Variants in NLGN4X observed in about 807,000 individuals in gnomAD.
NLGN4X encodes neuroligin 4 X-linked, also known as neuroligin-4, X-linked.
NLGN4X carries 3 observed loss-of-function variants against 40.3 expected under a neutral mutation model. That is an observed-to-expected ratio of 0.07 (90% confidence interval 0.03 to 0.19). The LOEUF (loss-of-function observed/expected upper bound fraction) is 0.19. Among genes scored for constraint, NLGN4X ranks in the 10% least tolerant of loss-of-function variants. NLGN4X has a pLI of 1.00. For synonymous variants in NLGN4X, 270 were observed against 306.8 expected (o/e 0.88, Z 1.25); for missense variants, 382 against 708.3 (o/e 0.54, Z 5.23).
At chrX:6,047,008 T>C (rs1195133132) in intron 2 of NLGN4X, among the ~76,000 whole-genome samples, 2 of 108,882 alleles carry the variant, frequency 1.8e-5, no homozygotes, top group Non-Finnish European at 3.8e-5. Flanking sequence ...TTTATTTCAA[T>C]AAATAATAGA....
At chrX:6,116,203 G>A (rs1392863048) in intron 2 of NLGN4X, among the ~76,000 whole-genome samples, 3 of 96,265 alleles carry the variant, frequency 3.1e-5, no homozygotes, top group East Asian at 3.5e-4. Flanking sequence ...TAAGGCAGGA[G>A]AATGGCGTGA....
At chrX:5,947,916 T>A (rs1052357701) in intron 3 of NLGN4X, among the ~76,000 whole-genome samples, 5 of 112,027 alleles carry the variant, frequency 4.5e-5, no homozygotes, top group Non-Finnish European at 9.4e-5. Context: ...ATTTGCAGAA[T>A]AGCATGAGCA....
In NLGN4X at chrX:6,142,429, G is replaced by A. The variant is rs780437800; in HGVS notation, c.472+8566C>T. 9.8e-5 allele frequency among the ~76,000 whole-genome samples: 11 copies of A among 112,313 alleles called. No individual in the cohort carries two copies. The Admixed American group carries it at 1.0e-3, about 11-fold the overall frequency. On this transcript the variant is annotated intron_variant, in intron 2 of 5. Transcript: ENST00000381095. ...ATACTAAATACTTTTCAATTAATCC[G>A]TGTCAGGGAGATCTTTATTTAATAA... is the stretch of plus-strand genomic sequence containing the variant.
chrX:6,222,186 C>T (rs1481192632), intron 1 of NLGN4X, among the ~76,000 whole-genome samples: 2 of 111,053 alleles, frequency 1.8e-5, no homozygotes, highest in African/African-American at 3.3e-5. Context: ...AGCATACAAA[C>T]AACCAAACAA....
At chrX:6,079,383 A>G (rs1431505274) in intron 2 of NLGN4X, among the ~76,000 whole-genome samples, 1 of 112,615 alleles carries the variant, frequency 8.9e-6, no homozygotes, top group Non-Finnish European at 1.9e-5. Flanking sequence ...TGTGAAAATT[A>G]AAGTAGATAA....
At chrX:6,205,665 A>G (rs747544286) in intron 1 of NLGN4X, among the ~76,000 whole-genome samples, 2 of 112,325 alleles carry the variant, frequency 1.8e-5, no homozygotes, top group Non-Finnish European at 3.8e-5. Context: ...TGAGAGTCAG[A>G]CATAGAATAA....
chrX:5,967,245 C>G (rs1421788188), intron 3 of NLGN4X, among the ~76,000 whole-genome samples: 1 of 111,941 alleles, frequency 8.9e-6, no homozygotes, highest in Non-Finnish European at 1.9e-5. Context: ...AATGTTCACA[C>G]CAAAATTTAC....
chrX:6,012,956 C>T (rs1484704731), intron 3 of NLGN4X, among the ~76,000 whole-genome samples: 1 of 111,561 alleles, frequency 9.0e-6, no homozygotes, highest in African/African-American at 3.3e-5. Context: ...AAAACTAATA[C>T]ATGGAGATTA....
intron 2 of NLGN4X, among the ~76,000 whole-genome samples, chrX:6,128,525 T>C (rs553901097): frequency 8.9e-6 from 1 of 112,342 alleles, no homozygotes; most frequent in East Asian, 2.8e-4. Flanking sequence ...TGTAATGGAT[T>C]CTACATTGTT....
intron 3 of NLGN4X, among the ~76,000 whole-genome samples, chrX:5,961,744 G>A (rs1007646255): frequency 8.9e-6 from 1 of 112,016 alleles, no homozygotes; most frequent in Non-Finnish European, 1.9e-5. Flanking sequence ...GTTCTTTGCC[G>A]TGGATACTAA....
intron 3 of NLGN4X, among the ~76,000 whole-genome samples, chrX:5,995,815 T>C (rs1222699506): frequency 9.0e-6 from 1 of 111,496 alleles, no homozygotes; most frequent in Non-Finnish European, 1.9e-5. Flanking sequence ...ACCCTCAGAG[T>C]TCACTGACAT....
intron 3 of NLGN4X, among the ~76,000 whole-genome samples, chrX:5,979,401 TAAC>T (rs1311375029): frequency 9.0e-6 from 1 of 110,724 alleles, no homozygotes; most frequent in Non-Finnish European, 1.9e-5. Flanking sequence ...CTTGTAGGTT[TAAC>T]AACAAAAAAA....
intron 3 of NLGN4X, among the ~76,000 whole-genome samples, chrX:5,994,086 T>C (rs775578753): frequency 4.5e-5 from 5 of 111,773 alleles, no homozygotes; most frequent in Non-Finnish European, 7.5e-5. Flanking sequence ...TTCACACTCC[T>C]TTCTCACTGA....
At chrX:6,021,410 T>G (rs1435246379) in intron 3 of NLGN4X, among the ~76,000 whole-genome samples, 2 of 110,687 alleles carry the variant, frequency 1.8e-5, no homozygotes, top group Non-Finnish European at 3.8e-5. Flanking sequence ...CGTCCCCATC[T>G]CTGCTCCATT....
chrX:6,208,489 T>C (rs752428881), intron 1 of NLGN4X, among the ~76,000 whole-genome samples: 2 of 112,239 alleles, frequency 1.8e-5, no homozygotes, highest in Non-Finnish European at 3.8e-5. Context: ...ATGAAAAACA[T>C]CTTCCAAAAT....
intron 2 of NLGN4X, among the ~76,000 whole-genome samples, chrX:6,087,968 T>C (rs1393231633): frequency 8.9e-6 from 1 of 111,836 alleles, no homozygotes; most frequent in East Asian, 2.8e-4. Flanking sequence ...TTTGATGTCA[T>C]TTAATTTCTC....
intron 3 of NLGN4X, among the ~76,000 whole-genome samples, chrX:6,012,766 A>G (rs1297169754): frequency 3.6e-5 from 4 of 111,449 alleles, no homozygotes; most frequent in African/African-American, 1.3e-4. Flanking sequence ...AGATAGAGAC[A>G]AACACCGAGG....
chrX:6,084,919 T>C (rs896236429), intron 2 of NLGN4X, among the ~76,000 whole-genome samples: 1 of 110,518 alleles, frequency 9.0e-6, no homozygotes, highest in African/African-American at 3.3e-5. Context: ...TATTCTGTTA[T>C]AGCAGCACAA....
chrX:6,056,697 G>A (rs897304221), intron 2 of NLGN4X, among the ~76,000 whole-genome samples: 5 of 111,852 alleles, frequency 4.5e-5, no homozygotes, highest in African/African-American at 9.8e-5. Flanking sequence ...CTGCATTAGC[G>A]TCTTTTAGTC....
Sources: allele counts gnomAD v4.1 joint callset (sites outside exome capture counted in the v4.1 genomes callset), GRCh38; gene constraint gnomAD v4.1.1; transcripts MANE v1.5; gene names NCBI Gene and HGNC (gene_info 2026-07-23, HGNC 2026-07-21).